The following BMP2K variants were observed in gnomAD, a reference collection of about 807,000 sequenced individuals.
The protein encoded by BMP2K is BMP2 inducible kinase, also known as BMP-2-inducible protein kinase.
BMP2K carries 74 observed loss-of-function variants against 116.0 expected under a neutral mutation model. The ratio of observed to expected loss-of-function variants is 0.64; its 90% CI spans 0.53 to 0.77. The LOEUF (loss-of-function observed/expected upper bound fraction) is 0.77. Among genes scored for constraint, BMP2K ranks in the 30% least tolerant of loss-of-function variants. The probability of loss-of-function intolerance (pLI) is 0.00; values close to 1 mark genes in which losing one functional copy is unlikely to be tolerated. For synonymous variants in BMP2K, 486 were observed against 502.5 expected, an observed-to-expected ratio of 0.97 and a Z score of 0.44; for missense variants, 1,365 against 1,403.6, an observed-to-expected ratio of 0.97 and a Z score of 0.44.
chr4:78,873,144 C>T (rs1732453870), intron 13 of BMP2K, among the ~76,000 whole-genome samples: 1 of 152,142 alleles, frequency 6.6e-6, no homozygotes, highest in South Asian at 2.1e-4. Flanking sequence ...TGTAGACTTT[C>T]TCTATTTACA....
chr4:78,831,200 C>G (rs539449109), intron 2 of BMP2K, among the ~76,000 whole-genome samples: 2 of 152,210 alleles, frequency 1.3e-5, no homozygotes, highest in African/African-American at 4.8e-5. Context: ...ATTAAGTTCA[C>G]TGTGTTATAT....
chr4:78,814,850 C>G (rs1382795131), intron 1 of BMP2K, among the ~76,000 whole-genome samples: 11 of 152,034 alleles, frequency 7.2e-5, no homozygotes, highest in Admixed American at 7.2e-4. Flanking sequence ...GATGCCTTTA[C>G]TACATTTGAT....
At chr4:78,831,935 A>C (rs1031119239) in intron 2 of BMP2K, among the ~76,000 whole-genome samples, 2 of 152,000 alleles carry the variant, frequency 1.3e-5, no homozygotes, top group African/African-American at 4.8e-5. Context: ...GAGTGCTTAC[A>C]CACAAGCACA....
chr4:78,881,892 G>A (rs1490231645), intron 14 of BMP2K, among the ~76,000 whole-genome samples: 2 of 152,068 alleles, frequency 1.3e-5, no homozygotes, highest in East Asian at 3.9e-4. Context: ...CAGTTGAAAT[G>A]CAATGTAGGA....
At chr4:78,847,367 T>A in intron 6 of BMP2K, 98 bp downstream of exon 6, 1 of 751,982 alleles carries the variant, frequency 1.3e-6, no homozygotes, top group South Asian at 3.1e-5. Context: ...CATTTCCTAA[T>A]AAGTAGAAGA....
rs1469319303 is a variant in BMP2K, at chr4:78,916,157, C to T, written c.*4124C>T. On this transcript the variant is annotated 3_prime_UTR_variant, in exon 16 of 16. Transcript: ENST00000502613. ...GATAGACTCAGTCTCCCCCTCCCAC[C>T]CCTTTTCCCCTGCCATATCTAATTA... The T allele has an allele frequency of 6.6e-6, 1 of 151,924 alleles. No individual in the cohort carries two copies. The highest frequency in any genetic ancestry group is 1.5e-5 in the Non-Finnish European group (1 of 67,866). 9.4% of individuals were successfully genotyped at this position (151,924 alleles called of 1,614,324 possible).
intron 13 of BMP2K, among the ~76,000 whole-genome samples, chr4:78,874,175 TCACACACACACA>T (rs148882911): frequency 6.7e-6 from 1 of 148,304 alleles, no homozygotes; most frequent in Non-Finnish European, 1.5e-5. Context: ...AGACTCCATC[TCACACACACACA>T]CACACACACA....
At chr4:78,805,148 C>T (rs1261922792) in intron 1 of BMP2K, among the ~76,000 whole-genome samples, 1 of 152,170 alleles carries the variant, frequency 6.6e-6, no homozygotes. Flanking sequence ...GTTGTTCCAG[C>T]ACCATTTATT....
intron 9 of BMP2K, 51 bp from the exon 10 acceptor site, chr4:78,865,506 A>G: frequency 1.9e-6 from 3 of 1,543,370 alleles, no homozygotes; most frequent in South Asian, 1.1e-5. Context: ...AATAAATAGT[A>G]AATTAGAAAT....
intron 1 of BMP2K, among the ~76,000 whole-genome samples, chr4:78,819,953 A>C (rs1238872624): frequency 6.6e-6 from 1 of 152,158 alleles, no homozygotes; most frequent in Non-Finnish European, 1.5e-5. Context: ...AGTATATAAT[A>C]TCTAGGTCTT....
intron 2 of BMP2K, among the ~76,000 whole-genome samples, chr4:78,832,412 A>G (rs74608196): frequency 0.042 from 6,386 of 152,236 alleles, 420 homozygotes; most frequent in African/African-American, 0.14. Context: ...ACATATTACA[A>G]TCCCTTTTGT....
In BMP2K at chr4:78,872,805, A is replaced by G; in HGVS notation, c.1793+7A>G. 2 of 1,609,946 alleles carry G rather than the reference A, an allele frequency of 1.2e-6. No homozygotes were observed. The highest frequency in any genetic ancestry group is 8.5e-7 in the Non-Finnish European group (1 of 1,177,458). ...CCTCCTATAGTGCCAATAGGCAAGT[A>G]TTTTTCCAGTGAAAGCAAAGGAAAT... On this transcript the variant is annotated splice_region_variant and intron_variant, in intron 13 of 15. Coordinates refer to ENST00000502613, the MANE Select transcript of BMP2K (RefSeq NM_198892.2).
chr4:78,794,677 C>T (rs1398464558), intron 1 of BMP2K, among the ~76,000 whole-genome samples: 1 of 152,120 alleles, frequency 6.6e-6, no homozygotes, highest in African/African-American at 2.4e-5. Context: ...ATCTTCCCAC[C>T]TCTGCTTCCT....
At chr4:78,886,679 G>T (rs1167933346) in intron 14 of BMP2K, among the ~76,000 whole-genome samples, 2 of 152,094 alleles carry the variant, frequency 1.3e-5, no homozygotes, top group Non-Finnish European at 2.9e-5. Context: ...GTGCGAGAGA[G>T]AGAATGGTTT....
intron 10 of BMP2K, among the ~76,000 whole-genome samples, chr4:78,868,634 C>G (rs1206130779): frequency 6.6e-6 from 1 of 152,182 alleles, no homozygotes; most frequent in African/African-American, 2.4e-5. Flanking sequence ...AAGCTAGTTA[C>G]TTCATAGATA....
intron 15 of BMP2K, among the ~76,000 whole-genome samples, chr4:78,899,862 C>T (rs145500822): frequency 6.6e-6 from 1 of 152,186 alleles, no homozygotes; most frequent in East Asian, 1.9e-4. Context: ...ACAGATTATT[C>T]TTTCCAAGAG....
At chr4:78,896,248 A>G (rs547856941) in intron 15 of BMP2K, among the ~76,000 whole-genome samples, 2 of 152,208 alleles carry the variant, frequency 1.3e-5, no homozygotes, top group Non-Finnish European at 1.5e-5. Flanking sequence ...CAAACTATCA[A>G]ATTTTGGCAG....
At chr4:78,850,806 G>C in intron 6 of BMP2K, 118 bp from the exon 7 acceptor site, 3 of 929,142 alleles carry the variant, frequency 3.2e-6, no homozygotes, top group South Asian at 4.3e-5. Flanking sequence ...GAAATAATTT[G>C]TAAAAAGATT....
At chr4:78,794,486 G>A (rs1728159290) in intron 1 of BMP2K, among the ~76,000 whole-genome samples, 1 of 152,128 alleles carries the variant, frequency 6.6e-6, no homozygotes, top group South Asian at 2.1e-4. Context: ...TTCATGCTGG[G>A]AACCTGATCG....
Sources: allele counts gnomAD v4.1 joint callset (sites outside exome capture counted in the v4.1 genomes callset), GRCh38; gene constraint gnomAD v4.1.1; transcripts MANE v1.5; gene names NCBI Gene and HGNC (gene_info 2026-07-23, HGNC 2026-07-21).